Variants in TAF3 observed in about 807,000 individuals in gnomAD.
TAF3 encodes the protein transcription initiation factor TFIID subunit 3.
A neutral mutation model predicts 80.6 loss-of-function variants in TAF3; 7 were observed. The observed-to-expected ratio is 0.09, with a 90% confidence interval of 0.05 to 0.16. TAF3 has a LOEUF of 0.16. Ranked by LOEUF, TAF3 falls within the 10% of genes least tolerant of loss-of-function variation. TAF3 has a pLI of 1.00. For synonymous variants in TAF3, 444 were observed against 446.1 expected (o/e 1.00, Z 0.06); for missense variants, 921 against 1,140.2 (o/e 0.81, Z 2.77).
At chr10:7,893,530 T>C (rs1477537041) in intron 2 of TAF3, among the ~76,000 whole-genome samples, 1 of 152,194 alleles carries the variant, frequency 6.6e-6, no homozygotes, top group Admixed American at 6.5e-5. Flanking sequence ...CTCAGGTATT[T>C]TTCTCTCTGT....
intron 2 of TAF3, among the ~76,000 whole-genome samples, chr10:7,892,466 G>T (rs1027330172): frequency 2.7e-4 from 41 of 152,196 alleles, no homozygotes; most frequent in African/African-American, 8.7e-4. Context: ...TTGAAAACTT[G>T]CTGGGTTGCT....
intron 2 of TAF3, among the ~76,000 whole-genome samples, chr10:7,928,265 C>G (rs1837834616): frequency 6.6e-6 from 1 of 152,140 alleles, no homozygotes; most frequent in African/African-American, 2.4e-5. Flanking sequence ...TAACTCACTG[C>G]CGTGTCCCAG....
rs549112841 is a variant in TAF3, at chr10:7,887,639, G to C, written c.409+63079G>C. Among the ~76,000 whole-genome samples, 8 of 152,262 alleles carry C rather than the reference G, an allele frequency of 5.3e-5. No individual in the cohort carries two copies. In the East Asian group the frequency reaches 1.5e-3, roughly 29 times the overall value. ...GAATTGACTGCCTGGGACTAAAACA[G>C]ATAAGAGCCGCTGGGAGTGTTTTGA... On this transcript the variant is annotated intron_variant, in intron 2 of 6. Transcript: ENST00000344293.
chr10:7,842,195 A>G lies in TAF3; in HGVS notation c.409+17635A>G, dbSNP rs1349865169. Reference sequence around the variant, plus strand: ...TTTTTTGTTTTTTTTTTTTTTTGAGACAGAGTCTTCCTCTGTCACCCAGGC... The same window carrying G: ...TTTTTTGTTTTTTTTTTTTTTTGAGGCAGAGTCTTCCTCTGTCACCCAGGC... On this transcript the variant is annotated intron_variant, in intron 2 of 6. Coordinates refer to ENST00000344293, the MANE Select transcript of TAF3 (RefSeq NM_031923.4). Among the ~76,000 whole-genome samples, 9 of 112,538 alleles carry G rather than the reference A, an allele frequency of 8.0e-5. No homozygotes were observed. The South Asian group carries it at 2.6e-3, about 32-fold the overall frequency. The allele number at this position is 112,538 out of a possible 152,430, so 73.8% of individuals were successfully genotyped here.
intron 2 of TAF3, among the ~76,000 whole-genome samples, chr10:7,888,504 C>T (rs1266589193): frequency 7.7e-6 from 1 of 129,874 alleles, no homozygotes; most frequent in Non-Finnish European, 1.8e-5. Context: ...GGCATGAGAT[C>T]TTCTAAAGAA....
chr10:7,835,383 T>G (rs900137916), intron 2 of TAF3, among the ~76,000 whole-genome samples: 1 of 152,232 alleles, frequency 6.6e-6, no homozygotes, highest in Non-Finnish European at 1.5e-5. Context: ...TTTGCAGTGC[T>G]CCCTCTTCTA....
chr10:7,874,313 A>G (rs117301282), intron 2 of TAF3, among the ~76,000 whole-genome samples: 586 of 152,348 alleles, frequency 3.8e-3, no homozygotes, highest in Middle Eastern at 6.8e-3. Flanking sequence ...AAAGAAATGC[A>G]AAAGGACAGC....
chr10:7,925,085 C>T (rs1564364551), intron 2 of TAF3, among the ~76,000 whole-genome samples: 1 of 152,114 alleles, frequency 6.6e-6, no homozygotes. Context: ...CCTTAGGAGA[C>T]CACAGAGGTA....
chr10:7,897,813 C>T (rs1381351999), intron 2 of TAF3, among the ~76,000 whole-genome samples: 1 of 152,066 alleles, frequency 6.6e-6, no homozygotes, highest in East Asian at 1.9e-4. Flanking sequence ...GCGTGTGCCA[C>T]CATGCCCGGC....
chr10:7,897,997 T>C (rs1481199742), intron 2 of TAF3, among the ~76,000 whole-genome samples: 1 of 152,180 alleles, frequency 6.6e-6, no homozygotes, highest in Non-Finnish European at 1.5e-5. Context: ...TGGTTGGATG[T>C]TGAATCTCTT....
chr10:8,015,917 A>G lies in TAF3; in HGVS notation c.*1166A>G, dbSNP rs1004174491. On this transcript the variant is annotated 3_prime_UTR_variant, in exon 7 of 7. Transcript: ENST00000344293. ...TAGCATTTTGTCTTTATATTGTTTT[A>G]TTTCTACAAATCTGTTCATTAATAT... The G allele has an allele frequency of 1.3e-5, 2 of 151,588 alleles. No homozygotes were observed. Among genetic ancestry groups the G allele is most frequent in the African/African-American group, 4.8e-5 (2 of 41,320 alleles). The allele number at this position is 151,588 out of a possible 1,614,324, so 9.4% of individuals were successfully genotyped here.
In TAF3 at chr10:7,865,477, T is replaced by TCAAA. The variant is rs373125256; in HGVS notation, c.409+40942_409+40945dup. On this transcript the variant is annotated intron_variant, in intron 2 of 6. Transcript: ENST00000344293. ...CTGGGGGACAGAGTGAGACTCCGTC[T>TCAAA]CAAACAAACAAACAAACAAACAAAC... 6.9e-3 allele frequency among the ~76,000 whole-genome samples: 1,016 copies of TCAAA among 147,290 alleles called. 9 individuals carry two copies. Among genetic ancestry groups the TCAAA allele is most frequent in the Non-Finnish European group, 9.7e-3 (641 of 66,058 alleles).
chr10:7,839,719 C>T (rs569635820), intron 2 of TAF3, among the ~76,000 whole-genome samples: 1 of 152,030 alleles, frequency 6.6e-6, no homozygotes, highest in Non-Finnish European at 1.5e-5. Context: ...GTTTTGTTAA[C>T]ATCTTATTCT....
intron 4 of TAF3, among the ~76,000 whole-genome samples, chr10:7,980,267 A>G (rs940029092): frequency 2.0e-5 from 3 of 152,344 alleles, no homozygotes; most frequent in Middle Eastern, 3.4e-3. Context: ...GGTTCAAATT[A>G]TACCTTCTAG....
intron 2 of TAF3, among the ~76,000 whole-genome samples, chr10:7,910,756 A>G (rs967686491): frequency 1.7e-4 from 26 of 152,286 alleles, no homozygotes; most frequent in East Asian, 5.8e-4. Flanking sequence ...TAACCTGGCT[A>G]CTAACTAAAA....
Position 7,974,133 on chromosome 10 carries a change from T to TACACAC in TAF3, c.2233-3074_2233-3069dup, listed in dbSNP as rs56363651. Among the ~76,000 whole-genome samples the TACACAC allele has an allele frequency of 9.2e-3, 1,343 of 145,346 alleles. 12 individuals carry two copies. The highest frequency in any genetic ancestry group is 0.029 in the South Asian group (130 of 4,458). ...ACAGAGTGAGATTCCTTCTGAAACA[T>TACACAC]ACACACACACACACACACACACACA... On this transcript the variant is annotated intron_variant, in intron 3 of 6. Transcript: ENST00000344293.
chr10:7,987,819 T>G (rs559910107), intron 4 of TAF3, among the ~76,000 whole-genome samples: 8 of 152,290 alleles, frequency 5.3e-5, no homozygotes, highest in African/African-American at 1.9e-4. Flanking sequence ...CCTTTCTTCT[T>G]TGGGGGAAGC....
At chr10:7,914,256 C>T (rs1407079534) in intron 2 of TAF3, among the ~76,000 whole-genome samples, 1 of 152,152 alleles carries the variant, frequency 6.6e-6, no homozygotes, top group Admixed American at 6.5e-5. Context: ...AATCTGATGT[C>T]CGAGATTTGT....
chr10:7,965,496 C>G lies in TAF3; in HGVS notation c.1986C>G (p.Ala662=). 1 of 1,606,256 alleles carries G rather than the reference C, an allele frequency of 6.2e-7. No individual in the cohort carries two copies. The highest frequency in any genetic ancestry group is 8.5e-7 in the Non-Finnish European group (1 of 1,178,216). Residue 662 remains alanine, a synonymous_variant, in exon 3 of 7, where the codon GCC becomes GCG. Transcript: ENST00000344293. ...PPLVLPPKEL[A]LPLFSPATAS... Reference sequence around the variant, plus strand: ...TGGTGTTGCCCCCAAAAGAGTTGGCCCTGCCCTTGTTCAGCCCTGCCACAG... The same window carrying G: ...TGGTGTTGCCCCCAAAAGAGTTGGCGCTGCCCTTGTTCAGCCCTGCCACAG...
Sources: gnomAD v4.1 joint callset for allele counts (sites outside exome capture counted in the v4.1 genomes callset) on GRCh38, gnomAD v4.1.1 for gene constraint, MANE v1.5 for transcripts, NCBI Gene and HGNC (gene_info 2026-07-23, HGNC 2026-07-21) for gene names.